Variants in SKAP1 observed in about 807,000 individuals in gnomAD.
SKAP1 encodes the protein src kinase associated phosphoprotein 1, also known as src kinase-associated phosphoprotein 1.
SKAP1 carries 44 observed loss-of-function variants against 58.5 expected under a neutral mutation model. The observed-to-expected ratio is 0.75, with a 90% CI of 0.59 to 0.97. The LOEUF is 0.97. SKAP1 is among the 50% of genes least tolerant of loss of function. SKAP1 has a pLI of 0.00. For missense variants in SKAP1, 390 were observed against 435.2 expected, an observed-to-expected ratio of 0.90 and a Z score of 0.92; for synonymous variants, 127 against 149.7, an observed-to-expected ratio of 0.85 and a Z score of 1.11.
At chr17:48,182,505 ATG>A in intron 7 of SKAP1, 48 bp from the exon 8 acceptor site, 1 of 1,396,266 alleles carries the variant, frequency 7.2e-7, no homozygotes, top group South Asian at 1.2e-5. Flanking sequence ...TAAAATTTCC[ATG>A]AATCTTGACA....
intron 2 of SKAP1, among the ~76,000 whole-genome samples, chr17:48,371,622 GC>G (rs2067086303): frequency 1.7e-5 from 2 of 120,342 alleles, no homozygotes; most frequent in Admixed American, 1.1e-4. Flanking sequence ...TTCGGGACCA[GC>G]CATGGGTAAC....
intron 4 of SKAP1, among the ~76,000 whole-genome samples, chr17:48,333,093 T>C (rs997480742): frequency 1.3e-5 from 2 of 152,322 alleles, no homozygotes; most frequent in South Asian, 4.1e-4. Flanking sequence ...CAATGTTCTG[T>C]ACAGTGATTC....
At chr17:48,250,280 T>TG (rs1164123364) in intron 4 of SKAP1, among the ~76,000 whole-genome samples, 26 of 71,626 alleles carry the variant, frequency 3.6e-4, no homozygotes, top group South Asian at 9.9e-4. Context: ...CAGTTTTTTT[T>TG]TTTTTTTTTT....
intron 4 of SKAP1, among the ~76,000 whole-genome samples, chr17:48,268,099 A>C (rs1013282830): frequency 5.9e-5 from 9 of 152,150 alleles, no homozygotes; most frequent in African/African-American, 1.9e-4. Context: ...TACTCTTTAG[A>C]GTTTCAAAAA....
At chr17:48,202,387 T>C (rs1367019293) in intron 4 of SKAP1, among the ~76,000 whole-genome samples, 1 of 152,006 alleles carries the variant, frequency 6.6e-6, no homozygotes, top group African/African-American at 2.4e-5. Flanking sequence ...GTATGTATTA[T>C]CTCCTGGTCA....
At chr17:48,153,603 A>C (rs560522621) in intron 11 of SKAP1, among the ~76,000 whole-genome samples, 6 of 152,260 alleles carry the variant, frequency 3.9e-5, no homozygotes, top group African/African-American at 1.4e-4. Context: ...CTTCTCTTGC[A>C]TACCATCATA....
chr17:48,233,405 A>AGTT (rs2065145074), intron 4 of SKAP1, among the ~76,000 whole-genome samples: 1 of 152,144 alleles, frequency 6.6e-6, no homozygotes, highest in Admixed American at 6.5e-5. Context: ...GTTTTGTTGA[A>AGTT]CTGTGTTGTC....
At chr17:48,155,647 A>C (rs1374583183) in intron 11 of SKAP1, among the ~76,000 whole-genome samples, 1 of 151,380 alleles carries the variant, frequency 6.6e-6, no homozygotes, top group East Asian at 2.0e-4. Context: ...ACCTGAGGCC[A>C]GGAGTTCGAG....
At chr17:48,386,928 T>C (rs1454867580) in intron 2 of SKAP1, among the ~76,000 whole-genome samples, 1 of 152,204 alleles carries the variant, frequency 6.6e-6, no homozygotes, top group Non-Finnish European at 1.5e-5. Flanking sequence ...AGCAATTAAT[T>C]CTAGTTATGC....
At chr17:48,390,417 C>T (rs2067330730) in intron 2 of SKAP1, among the ~76,000 whole-genome samples, 1 of 152,090 alleles carries the variant, frequency 6.6e-6, no homozygotes, top group South Asian at 2.1e-4. Flanking sequence ...GATCTTTTCA[C>T]ACAATGTATG....
At chr17:48,414,644 A>G (rs2067710764) in intron 1 of SKAP1, among the ~76,000 whole-genome samples, 1 of 152,202 alleles carries the variant, frequency 6.6e-6, no homozygotes, top group Non-Finnish European at 1.5e-5. Flanking sequence ...CAGGTAGCTT[A>G]TAGGTATCTA....
chr17:48,274,677 C>G (rs2065677018), intron 4 of SKAP1, among the ~76,000 whole-genome samples: 1 of 150,548 alleles, frequency 6.6e-6, no homozygotes, highest in African/African-American at 2.4e-5. Flanking sequence ...GCCCGGGCAA[C>G]AAGAGTGAAA....
chr17:48,322,277 T>C (rs2066377269), intron 4 of SKAP1, among the ~76,000 whole-genome samples: 1 of 152,242 alleles, frequency 6.6e-6, no homozygotes, highest in Admixed American at 6.5e-5. Context: ...GCTCTCCTCT[T>C]TATTTCTTAG....
intron 4 of SKAP1, among the ~76,000 whole-genome samples, chr17:48,257,861 T>C (rs1298949769): frequency 6.6e-6 from 1 of 152,042 alleles, no homozygotes; most frequent in Non-Finnish European, 1.5e-5. Flanking sequence ...AAGCTGATAG[T>C]TGGAGCCTCT....
At chr17:48,422,953 G>A (rs2067813426) in intron 1 of SKAP1, among the ~76,000 whole-genome samples, 1 of 152,140 alleles carries the variant, frequency 6.6e-6, no homozygotes, top group Non-Finnish European at 1.5e-5. Context: ...GAGCATATCA[G>A]GAGTCCAATA....
chr17:48,329,781 T>C (rs540754006), intron 4 of SKAP1, among the ~76,000 whole-genome samples: 28 of 152,210 alleles, frequency 1.8e-4, no homozygotes, highest in African/African-American at 6.5e-4. Flanking sequence ...CTAGAAATAA[T>C]ATGGGTTTTG....
intron 4 of SKAP1, among the ~76,000 whole-genome samples, chr17:48,226,820 C>A (rs1218067044): frequency 6.6e-6 from 1 of 152,062 alleles, no homozygotes; most frequent in Non-Finnish European, 1.5e-5. Context: ...TTAATTTATT[C>A]AAAAGGGATG....
chr17:48,267,238 T>A (rs545074934), intron 4 of SKAP1, among the ~76,000 whole-genome samples: 1 of 152,322 alleles, frequency 6.6e-6, no homozygotes. Context: ...AGTAGATATA[T>A]AAGTTATTAG....
chr17:48,410,236 G>A (rs1443468657), intron 1 of SKAP1, among the ~76,000 whole-genome samples: 2 of 152,134 alleles, frequency 1.3e-5, no homozygotes, highest in Non-Finnish European at 2.9e-5. Flanking sequence ...GAATAGCAAG[G>A]CGAAGAGTCT....
Sources: allele counts gnomAD v4.1 joint callset (sites outside exome capture counted in the v4.1 genomes callset), GRCh38; gene constraint gnomAD v4.1.1; transcripts MANE v1.5; gene names NCBI Gene and HGNC (gene_info 2026-07-23, HGNC 2026-07-21).